Variants in PFAS observed in about 807,000 individuals in gnomAD.
PFAS encodes the protein phosphoribosylformylglycinamidine synthase.
Under a neutral mutation model 140.6 loss-of-function variants are expected in PFAS, and 97 were observed. The observed-to-expected ratio is 0.69, with a 90% confidence interval of 0.59 to 0.82. The LOEUF is 0.82. Ranked by LOEUF, PFAS falls within the 40% of genes least tolerant of loss-of-function variation. The pLI, the probability that PFAS is intolerant of heterozygous loss-of-function variation, is 0.00. For synonymous variants in PFAS, 679 were observed against 718.8 expected (o/e 0.94, Z 0.88); for missense variants, 1,656 against 1,780.2 (o/e 0.93, Z 1.26).
chr17:8,268,925 C>G, intron 27 of PFAS, 29 bp from the exon 28 acceptor site: 1 of 1,613,040 alleles, frequency 6.2e-7, no homozygotes, highest in East Asian at 2.2e-5. Context: ...AGGACCTTGG[C>G]TCTCACTTCC....
chr17:8,267,249 T>C lies in PFAS; in HGVS notation c.3175+14T>C. ...CCCGTGAGCCTGGTGAGGGAGTGTG[T>C]GCAGAGGCTCCGCGTCCTGGGGGCA... On this transcript the variant is annotated intron_variant, in intron 24 of 27. Coordinates refer to ENST00000314666, the MANE Select transcript of PFAS (RefSeq NM_012393.3). This position sits in a 1 kb window ranked among gnomAD's most constrained non-coding sequence, Gnocchi z 4.9. The C allele has an allele frequency of 6.2e-7, 1 of 1,604,830 alleles. No homozygotes were observed. The highest frequency in any genetic ancestry group is 8.5e-7 in the Non-Finnish European group (1 of 1,173,122).
rs781319659 is a variant in PFAS, at chr17:8,263,620, A to G, written c.1613A>G (p.Tyr538Cys). Residue 538 changes from tyrosine to cysteine, a missense_variant, in exon 14 of 28, where the codon TAC becomes TGC. By Grantham distance (194) the Tyr-to-Cys change is radical. Around this residue, in one of 2 missense-constraint regions of PFAS, gnomAD observed 773 missense variants for 757.3 expected, o/e 1.02. Coordinates refer to ENST00000314666, the MANE Select transcript of PFAS (RefSeq NM_012393.3). ...AGTGACCCAGCTGGAGCCATCATTT[A>G]CACCAGCCGCTTCCAGGTGGGTCTC... The part of the protein sequence containing the change: ...ELSDPAGAII[Y>C]TSRFQLGDPT... 1 of 1,613,976 alleles carries G rather than the reference A, an allele frequency of 6.2e-7. No individual in the cohort carries two copies. Among genetic ancestry groups the G allele is most frequent in the South Asian group, 1.1e-5 (1 of 91,078 alleles).
upstream of PFAS, among the ~76,000 whole-genome samples, chr17:8,248,865 T>A (rs1989001322): frequency 6.6e-6 from 1 of 152,124 alleles, no homozygotes; most frequent in African/African-American, 2.4e-5. Flanking sequence ...AGCCTCCGTC[T>A]CCCTCCTAAG....
chr17:8,269,220 C>T lies in PFAS; in HGVS notation c.3973C>T (p.Leu1325Phe), dbSNP rs1452726351. ...DTLTTSPWLQ[L>F]FINARNWTLE... ...TCTGACCACCTCCCCCTGGCTCCAG[C>T]TCTTTATCAATGCCCGAAACTGGAC... is the stretch of plus-strand genomic sequence containing the variant. The change falls in exon 28 of 28, where the codon CTC becomes TTC. Residue 1325 changes from leucine to phenylalanine, a missense_variant. Physicochemically the swap from Leu to Phe is conservative, Grantham distance 22 (BLOSUM62 0). Coordinates refer to ENST00000314666, the MANE Select transcript of PFAS (RefSeq NM_012393.3). 1 of 1,612,834 alleles carries T rather than the reference C, an allele frequency of 6.2e-7. No individual in the cohort carries two copies. The highest frequency in any genetic ancestry group is 1.3e-5 in the African/African-American group (1 of 74,940).
rs1394564970 is a variant in PFAS at position 8,267,880 on chromosome 17, T to A, written c.3382+215T>A. ...TATATATACACATATGTAATTAAAATATATATTATTAAATATATATTATTT... is the reference window on the plus strand; with the variant it reads ...TATATATACACATATGTAATTAAAAAATATATTATTAAATATATATTATTT... On this transcript the variant is annotated intron_variant, in intron 26 of 27. Transcript: ENST00000314666. The surrounding 1 kb of genome is among the most constrained non-coding windows in gnomAD (Gnocchi z 4.9). Among the ~76,000 whole-genome samples, 1 of 146,336 alleles carries A rather than the reference T, an allele frequency of 6.8e-6. No homozygotes were observed. Among genetic ancestry groups the A allele is most frequent in the Non-Finnish European group, 1.5e-5 (1 of 66,838 alleles).
chr17:8,267,499 C>T lies in PFAS; in HGVS notation c.3267+36C>T, dbSNP rs1325630603. The stretch of plus-strand genomic sequence containing the variant: ...TAGGGGGCAGCTGGGGGTGATTGTC[C>T]AGCCTCAGCTGCGTGTCCTCCCACC... On this transcript the variant is annotated intron_variant, in intron 25 of 27. Transcript: ENST00000314666. The surrounding 1 kb of genome is among the most constrained non-coding windows in gnomAD (Gnocchi z 4.9). The T allele has an allele frequency of 2.5e-6, 4 of 1,601,128 alleles. No homozygotes were observed. The highest frequency in any genetic ancestry group is 2.6e-6 in the Non-Finnish European group (3 of 1,168,304).
chr17:8,256,427 G>A lies in PFAS; in HGVS notation c.821+20G>A. The A allele has an allele frequency of 6.2e-7, 1 of 1,613,996 alleles. No individual in the cohort carries two copies. Among genetic ancestry groups the A allele is most frequent in the Non-Finnish European group, 8.5e-7 (1 of 1,179,980 alleles). On this transcript the variant is annotated intron_variant, in intron 7 of 27. Transcript: ENST00000314666. ...CAGCAGGTGCTGTGCCCTAGACTGG[G>A]TTGGCGTCAGGACCCGGGGAGGGGA...
chr17:8,268,322 G>A (rs1486154369), intron 26 of PFAS, among the ~76,000 whole-genome samples: 6 of 143,246 alleles, frequency 4.2e-5, no homozygotes, highest in African/African-American at 1.0e-4. Flanking sequence ...GTAGTGAGCC[G>A]AGATCATGCC....
At chr17:8,262,586 G>C in intron 11 of PFAS, 1 of 266,800 alleles carries the variant, frequency 3.7e-6, no homozygotes, top group Non-Finnish European at 7.4e-6. Flanking sequence ...CTGAGGTCAG[G>C]AGTTTGAGAC....
At chr17:8,252,857 A>G (rs1011044138) in intron 1 of PFAS, among the ~76,000 whole-genome samples, 2 of 152,136 alleles carry the variant, frequency 1.3e-5, no homozygotes, top group South Asian at 2.1e-4. Flanking sequence ...CCTGTGCTCA[A>G]TCCTCCCACC....
At chr17:8,249,223 C>A (rs1260176271), upstream of PFAS, 1 of 152,068 alleles carries the variant, frequency 6.6e-6, no homozygotes, top group African/African-American at 2.4e-5. Context: ...GAAAAGTGGG[C>A]GGGGCGTAGT....
intron 11 of PFAS, 60 bp from the exon 12 acceptor site, chr17:8,262,860 C>A: frequency 7.4e-7 from 1 of 1,344,950 alleles, no homozygotes; most frequent in Non-Finnish European, 1.1e-6. Flanking sequence ...CGCTGCCTTG[C>A]TTTCGAGGCC....
Position 8,260,331 on chromosome 17 carries a change from T to C in PFAS, c.1336+2132T>C, listed in dbSNP as rs183730954. Among the ~76,000 whole-genome samples the C allele has an allele frequency of 4.0e-4, 61 of 152,284 alleles. No homozygotes were observed. In the Middle Eastern group the frequency reaches 0.017, roughly 42 times the overall value. On this transcript the variant is annotated intron_variant, in intron 11 of 27. Coordinates refer to ENST00000314666, the MANE Select transcript of PFAS (RefSeq NM_012393.3). Reference sequence around the variant, plus strand: ...AATTATAATCTTAAGGGATCACTGTTGTATATGTGGTCTGTTGTTAAGCAA... The same window carrying C: ...AATTATAATCTTAAGGGATCACTGTCGTATATGTGGTCTGTTGTTAAGCAA...
upstream of PFAS, chr17:8,248,105 C>A (rs9900352): frequency 1.0e-6 from 1 of 980,692 alleles, no homozygotes; most frequent in African/African-American, 1.6e-5. Flanking sequence ...GGTGGGGGGG[C>A]GCTCGGTGAC....
chr17:8,265,012 A>C lies in PFAS; in HGVS notation c.2167A>C (p.Thr723Pro), dbSNP rs1400032913. The change falls in exon 18 of 28, where the codon ACA (threonine) becomes CCA (proline). Residue 723 changes from threonine (T) to proline (P), a missense_variant. Around this residue, in one of 2 missense-constraint regions of PFAS, gnomAD observed 883 missense variants for 1,023.0 expected, o/e 0.86. Coordinates refer to ENST00000314666, the MANE Select transcript of PFAS (RefSeq NM_012393.3). ...LSHEELIGAA[T>P]ALGEQPVKSL... ...CCATGAGGAGCTCATAGGGGCTGCC[A>C]CAGCCTTGGGAGAACAGCCAGTCAA... The C allele has an allele frequency of 1.2e-6, 2 of 1,613,634 alleles. No homozygotes were observed. The highest frequency in any genetic ancestry group is 1.7e-6 in the Non-Finnish European group (2 of 1,179,950).
chr17:8,264,459 CTG>C lies in PFAS; in HGVS notation c.1918-7_1918-6del. 4 of 1,613,538 alleles carry C rather than the reference CTG, an allele frequency of 2.5e-6. No homozygotes were observed. Among genetic ancestry groups the C allele is most frequent in the Non-Finnish European group, 3.4e-6 (4 of 1,179,910 alleles). ...AGGTGTTCACACTGCCTGTCGCTGT[CTG>C]TGTTGCAGGAGTTCTTCCTGCAGAG... On this transcript the variant is annotated splice_polypyrimidine_tract_variant and intron_variant, in intron 16 of 27. Coordinates refer to ENST00000314666, the MANE Select transcript of PFAS (RefSeq NM_012393.3).
chr17:8,260,007 A>G lies in PFAS; in HGVS notation c.1336+1808A>G, dbSNP rs554924501. ...TCCCAGCTACTCGGGAGGCTGAGGC[A>G]GGAGAATCACTTGAACCTGGGAGGT... On this transcript the variant is annotated intron_variant, in intron 11 of 27. Coordinates refer to ENST00000314666, the MANE Select transcript of PFAS (RefSeq NM_012393.3). Among the ~76,000 whole-genome samples the G allele has an allele frequency of 3.3e-5, 5 of 152,056 alleles. No homozygotes were observed. The South Asian group carries it at 1.0e-3, about 32-fold the overall frequency.
At position 8,269,199 on chromosome 17, in the gene PFAS, A is replaced by G; in HGVS notation, c.3952A>G (p.Thr1318Ala). The change falls in exon 28 of 28, where the codon ACC (threonine) becomes GCC (alanine). Residue 1318 changes from threonine to alanine, a missense_variant. This residue lies in a region of PFAS where 883 missense variants were observed against 1,023.0 expected (regional missense o/e 0.86). Transcript: ENST00000314666. ...GCGACCCCCTCCATTTGATACTCTGACCACCTCCCCCTGGCTCCAGCTCTT... is the reference window on the plus strand; with the variant it reads ...GCGACCCCCTCCATTTGATACTCTGGCCACCTCCCCCTGGCTCCAGCTCTT... Reference protein sequence around the residue: ...AWRPPPFDTLTTSPWLQLFIN... With the variant: ...AWRPPPFDTLATSPWLQLFIN... 1 of 1,613,472 alleles carries G rather than the reference A, an allele frequency of 6.2e-7. No individual in the cohort carries two copies. Among genetic ancestry groups the G allele is most frequent in the Non-Finnish European group, 8.5e-7 (1 of 1,179,844 alleles).
rs1567645172 is a variant in PFAS, at chr17:8,266,220, TCTC to T, written c.2702-11_2702-9del. Reference sequence around the variant, plus strand: ...GGGTCCCGAGGTTGCTGAGCTTTCTTCTCCTTCCTCCAGACCGCCTCCTCTGCT... The same window carrying T: ...GGGTCCCGAGGTTGCTGAGCTTTCTTCTTCCTCCAGACCGCCTCCTCTGCT... On this transcript the variant is annotated splice_polypyrimidine_tract_variant and intron_variant, in intron 21 of 27. Transcript: ENST00000314666. This position sits in a 1 kb window ranked among gnomAD's most constrained non-coding sequence, Gnocchi z 5.0. 3.1e-6 allele frequency: 5 copies of T among 1,613,440 alleles called. No individual in the cohort carries two copies. Among genetic ancestry groups the T allele is most frequent in the East Asian group, 2.2e-5 (1 of 44,860 alleles).
Sources: gnomAD v4.1 joint callset for allele counts (sites outside exome capture counted in the v4.1 genomes callset) on GRCh38, gnomAD v4.1.1 for gene constraint, gnomAD v4.1.1 regional missense constraint, Gnocchi (gnomAD v3.1) non-coding constraint, MANE v1.5 for transcripts, NCBI Gene and HGNC (gene_info 2026-07-23, HGNC 2026-07-21) for gene names.